Variants in KAZN observed in about 807,000 individuals in gnomAD.
The protein encoded by KAZN is kazrin.
KAZN carries 40 observed loss-of-function variants against 87.4 expected under a neutral mutation model. The ratio of observed to expected loss-of-function variants is 0.46; its 90% confidence interval spans 0.36 to 0.60. The LOEUF (loss-of-function observed/expected upper bound fraction) is 0.60. Among genes scored for constraint, KAZN ranks in the 20% least tolerant of loss-of-function variants. The pLI, the probability that KAZN is intolerant of heterozygous loss-of-function variation, is 0.00. For missense variants in KAZN, 898 were observed against 1,073.9 expected, an observed-to-expected ratio of 0.84 and a Z score of 2.29; for synonymous variants, 466 against 458.3, an observed-to-expected ratio of 1.02 and a Z score of -0.22.
intron 1 of KAZN, among the ~76,000 whole-genome samples, chr1:14,785,307 G>A (rs1421621902): frequency 1.3e-5 from 2 of 152,162 alleles, no homozygotes; most frequent in Admixed American, 1.3e-4. Flanking sequence ...GTCATTGACT[G>A]GCTCAGTGTC....
chr1:14,978,754 G>C (rs1665928139), intron 2 of KAZN, among the ~76,000 whole-genome samples: 1 of 152,092 alleles, frequency 6.6e-6, no homozygotes, highest in South Asian at 2.1e-4. Context: ...GCTTTGCCAG[G>C]CAGAGGCAGT....
chr1:14,284,531 G>A (rs929121307), intron 2 of KAZN, among the ~76,000 whole-genome samples: 1 of 152,184 alleles, frequency 6.6e-6, no homozygotes, highest in African/African-American at 2.4e-5. Context: ...ACAGCAAATA[G>A]GGGAAAGATT....
chr1:15,089,732 CAAAAAAAAAAAAAA>C (rs56260619), intron 8 of KAZN, among the ~76,000 whole-genome samples: 38 of 68,906 alleles, frequency 5.5e-4, no homozygotes, highest in Admixed American at 2.3e-3. Flanking sequence ...CTTTTATTGG[CAAAAAAAAAAAAAA>C]AAAAAAAAAA....
At chr1:14,128,946 T>C (rs4662112) in intron 1 of KAZN, among the ~76,000 whole-genome samples, 87,173 of 152,066 alleles carry the variant, frequency 0.57, 26,287 homozygotes, top group East Asian at 0.76. Flanking sequence ...TGAATTGCCT[T>C]AACAGAAGCC....
At chr1:13,957,801 A>G (rs2101015057) in intron 1 of KAZN, among the ~76,000 whole-genome samples, 1 of 152,264 alleles carries the variant, frequency 6.6e-6, no homozygotes, top group South Asian at 2.1e-4. Context: ...GATCCACTCC[A>G]TGACCCAAAC....
intron 10 of KAZN, 95 bp downstream of exon 10, chr1:15,095,028 A>G: frequency 1.2e-6 from 1 of 835,220 alleles, no homozygotes; most frequent in Admixed American, 2.2e-5. Context: ...CTGTGGGCTG[A>G]ACCAGGTGGT....
At chr1:14,007,121 G>T (rs994391639) in intron 1 of KAZN, among the ~76,000 whole-genome samples, 1 of 151,816 alleles carries the variant, frequency 6.6e-6, no homozygotes, top group Non-Finnish European at 1.5e-5. Flanking sequence ...TTCTTGATTT[G>T]TTTTTTTAGA....
At chr1:15,098,909 A>AC (rs1011840007) in intron 10 of KAZN, among the ~76,000 whole-genome samples, 6 of 152,158 alleles carry the variant, frequency 3.9e-5, no homozygotes, top group Middle Eastern at 3.4e-3. Context: ...GATAAGCCAC[A>AC]CCCCACCCTG....
At chr1:14,085,867 C>G (rs188987592) in intron 1 of KAZN, among the ~76,000 whole-genome samples, 1 of 152,298 alleles carries the variant, frequency 6.6e-6, no homozygotes, top group East Asian at 1.9e-4. Context: ...TTTGCATTCT[C>G]TCTCAGCAAT....
intron 2 of KAZN, among the ~76,000 whole-genome samples, chr1:14,290,747 G>A (rs1216896560): frequency 6.6e-6 from 1 of 152,184 alleles, no homozygotes; most frequent in Non-Finnish European, 1.5e-5. Context: ...ATTCTTTGGA[G>A]GAGAAGAGGC....
chr1:14,979,661 G>A (rs961962516), intron 2 of KAZN, among the ~76,000 whole-genome samples: 3 of 152,000 alleles, frequency 2.0e-5, no homozygotes, highest in Non-Finnish European at 4.4e-5. Context: ...GTAAGCTCAG[G>A]GGAAGGGGCC....
At position 14,472,161 on chromosome 1, in the gene KAZN, T is replaced by C. The variant is rs80182993; in HGVS notation, c.250-126822T>C. ...ACACTAATCCCATTCATGAGGGCTC[T>C]GCCCTCATCACTTAATCAGGTCCTG... On this transcript the variant is annotated intron_variant, in intron 2 of 16. Coordinates refer to the KAZN transcript ENST00000636203. Among the ~76,000 whole-genome samples the C allele has an allele frequency of 3.2e-3, 486 of 152,288 alleles. 3 individuals carry two copies. The highest frequency in any genetic ancestry group is 0.011 in the African/African-American group (451 of 41,576).
intron 1 of KAZN, among the ~76,000 whole-genome samples, chr1:14,944,143 G>C (rs946429907): frequency 1.3e-4 from 19 of 151,770 alleles, no homozygotes; most frequent in African/African-American, 4.1e-4. Context: ...GTTTTCTTGT[G>C]GGGGAAGAAA....
chr1:14,462,630 A>G (rs1667915349), intron 2 of KAZN, among the ~76,000 whole-genome samples: 1 of 152,200 alleles, frequency 6.6e-6, no homozygotes, highest in Non-Finnish European at 1.5e-5. Flanking sequence ...AAGAGGTTTA[A>G]TGGACTCCCA....
chr1:14,962,228 G>A (rs1442854918), intron 2 of KAZN, among the ~76,000 whole-genome samples: 10 of 152,226 alleles, frequency 6.6e-5, no homozygotes, highest in Admixed American at 6.5e-4. Context: ...TCAGCTGAGG[G>A]TGAGCCCGTA....
chr1:14,601,002 T>A (rs1255728328), intron 1 of KAZN, among the ~76,000 whole-genome samples: 2 of 152,222 alleles, frequency 1.3e-5, no homozygotes, highest in Non-Finnish European at 2.9e-5. Flanking sequence ...AACAGGGGGC[T>A]GATTCCTTGT....
At chr1:14,299,658 C>T (rs890058727) in intron 2 of KAZN, among the ~76,000 whole-genome samples, 6 of 152,202 alleles carry the variant, frequency 3.9e-5, no homozygotes, top group African/African-American at 1.4e-4. Context: ...CTCCACTGGG[C>T]TACAGATCAC....
intron 2 of KAZN, among the ~76,000 whole-genome samples, chr1:14,235,281 TATTC>T (rs1447754407): frequency 3.3e-5 from 5 of 152,340 alleles, no homozygotes; most frequent in East Asian, 1.9e-4. Flanking sequence ...AATGAAATAT[TATTC>T]ATCCATAAAA....
At chr1:14,658,482 G>A (rs1469080170) in intron 1 of KAZN, among the ~76,000 whole-genome samples, 1 of 152,134 alleles carries the variant, frequency 6.6e-6, no homozygotes, top group Non-Finnish European at 1.5e-5. Flanking sequence ...TGTGTGCAAA[G>A]TATTGTGCAC....
Sources: gnomAD v4.1 joint callset for allele counts (sites outside exome capture counted in the v4.1 genomes callset) on GRCh38, gnomAD v4.1.1 for gene constraint, MANE v1.5 for transcripts, NCBI Gene and HGNC (gene_info 2026-07-23, HGNC 2026-07-21) for gene names.